The following LIMS1 variants were observed in gnomAD, a reference collection of about 807,000 sequenced individuals.
The protein encoded by LIMS1 is LIM zinc finger domain containing 1.
Under a neutral mutation model 44.1 loss-of-function variants are expected in LIMS1, and 18 were observed. That is an observed-to-expected ratio of 0.41 (90% confidence interval 0.28 to 0.61). The LOEUF is 0.61. Among genes scored for constraint, LIMS1 ranks in the 20% least tolerant of loss-of-function variants. The pLI is 0.32. For synonymous variants in LIMS1, 93 were observed against 149.1 expected (o/e 0.62, Z 2.74); for missense variants, 201 against 422.0 (o/e 0.48, Z 4.59).
At chr2:108,674,539 G>C (rs981103781) in intron 5 of LIMS1, among the ~76,000 whole-genome samples, 4 of 151,194 alleles carry the variant, frequency 2.6e-5, no homozygotes, top group Non-Finnish European at 5.9e-5. Flanking sequence ...TGGCTAACAT[G>C]GTGAAACCCC....
rs59234056 is a variant in LIMS1, at chr2:108,675,330, G to A, written c.531-548G>A. On this transcript the variant is annotated intron_variant, in intron 5 of 9. Transcript: ENST00000544547. ...GCATCACATGGTGGGGGAAGAGGAG[G>A]GGGGAAGGAAGAGAAGGAAGGAGGC... Among the ~76,000 whole-genome samples the A allele has an allele frequency of 5.0e-3, 756 of 151,954 alleles. 5 individuals carry two copies. Among genetic ancestry groups the A allele is most frequent in the African/African-American group, 0.017 (717 of 41,404 alleles).
chr2:108,566,420 A>G (rs190762411), intron 1 of LIMS1, among the ~76,000 whole-genome samples: 15 of 152,260 alleles, frequency 9.9e-5, no homozygotes, highest in African/African-American at 2.9e-4. Context: ...TATATTATTT[A>G]TACCCTCATT....
rs1690827777 is a variant in LIMS1, at chr2:108,656,278, C to T, written c.33-3327C>T. On this transcript the variant is annotated intron_variant, in intron 1 of 9. Transcript: ENST00000544547. ...AAGTAGATCAGCTTCATCAGTCATG[C>T]CTGTCCTGACTTTTACATATAAATA... 4.0e-5 allele frequency among the ~76,000 whole-genome samples: 6 copies of T among 149,184 alleles called. No individual in the cohort carries two copies. In the Admixed American group the frequency reaches 4.1e-4, roughly 10 times the overall value.
At chr2:108,578,927 A>G (rs552293950) in intron 1 of LIMS1, among the ~76,000 whole-genome samples, 4 of 152,314 alleles carry the variant, frequency 2.6e-5, no homozygotes, top group African/African-American at 9.6e-5. Context: ...TCTAGTTTAC[A>G]AAGAAAAATG....
chr2:108,623,406 C>CT (rs77643546), intron 1 of LIMS1, among the ~76,000 whole-genome samples: 1 of 152,006 alleles, frequency 6.6e-6, no homozygotes, highest in East Asian at 1.9e-4. Flanking sequence ...TTGGTTTATT[C>CT]TTTTTTTAAA....
intron 2 of LIMS1, among the ~76,000 whole-genome samples, chr2:108,661,854 T>C (rs1303697233): frequency 1.3e-5 from 2 of 152,144 alleles, no homozygotes; most frequent in Non-Finnish European, 2.9e-5. Context: ...GTCTTCTCAC[T>C]ATATGAATCC....
intron 1 of LIMS1, among the ~76,000 whole-genome samples, chr2:108,652,925 A>G (rs4012002): frequency 2.3e-4 from 35 of 152,288 alleles, no homozygotes; most frequent in African/African-American, 7.2e-4. Flanking sequence ...TTGTAAAAAA[A>G]AAACCTAAAA....
chr2:108,588,689 G>A (rs1451209317), intron 1 of LIMS1: 1 of 809,290 alleles, frequency 1.2e-6, no homozygotes, highest in Non-Finnish European at 1.5e-6. Flanking sequence ...TATTTAAGAA[G>A]CAAATCTAAA....
chr2:108,603,037 T>C (rs2718697), intron 1 of LIMS1, among the ~76,000 whole-genome samples: 26,044 of 152,206 alleles, frequency 0.17, 2,653 homozygotes, highest in African/African-American at 0.27. Flanking sequence ...CTGCCTGCCT[T>C]GGCCTCCCAA....
At chr2:108,654,574 A>C (rs1174607247) in intron 1 of LIMS1, among the ~76,000 whole-genome samples, 2 of 152,070 alleles carry the variant, frequency 1.3e-5, no homozygotes, top group East Asian at 1.9e-4. Flanking sequence ...GCAGGGTTCA[A>C]ATGCTCCTCA....
intron 1 of LIMS1, among the ~76,000 whole-genome samples, chr2:108,547,596 A>G (rs1377688406): frequency 6.6e-6 from 1 of 152,208 alleles, no homozygotes; most frequent in Non-Finnish European, 1.5e-5. Flanking sequence ...AAAGCATAGG[A>G]ATATAGGTTA....
chr2:108,605,533 T>A (rs1355199371), intron 1 of LIMS1, among the ~76,000 whole-genome samples: 1 of 152,216 alleles, frequency 6.6e-6, no homozygotes, highest in African/African-American at 2.4e-5. Flanking sequence ...TTTATTCCTT[T>A]CAGCATCTTA....
chr2:108,675,470 A>T (rs1025863911), intron 5 of LIMS1, among the ~76,000 whole-genome samples: 30 of 152,260 alleles, frequency 2.0e-4, no homozygotes, highest in African/African-American at 6.5e-4. Flanking sequence ...TCAACACCTC[A>T]GAATTGGGGA....
intron 1 of LIMS1, among the ~76,000 whole-genome samples, chr2:108,569,256 T>C (rs1292379407): frequency 6.6e-6 from 1 of 152,210 alleles, no homozygotes; most frequent in Non-Finnish European, 1.5e-5. Context: ...CATCCATTCA[T>C]GATTTGCAAA....
At chr2:108,632,733 T>C (rs977534732) in intron 1 of LIMS1, among the ~76,000 whole-genome samples, 1 of 152,218 alleles carries the variant, frequency 6.6e-6, no homozygotes, top group African/African-American at 2.4e-5. Flanking sequence ...TCTACAGAGC[T>C]GTACATGAGT....
At chr2:108,566,330 GA>G (rs1342108855) in intron 1 of LIMS1, among the ~76,000 whole-genome samples, 1 of 152,186 alleles carries the variant, frequency 6.6e-6, no homozygotes. Flanking sequence ...GCAATCCCCA[GA>G]AGAAGAATTA....
rs1573365892 is a variant in LIMS1, at chr2:108,580,566, G to T, written c.32+45972G>T. The stretch of plus-strand genomic sequence containing the variant: ...AGGAAAGAGGGATGTTCAGAGGCCA[G>T]TTACAAGGCTGTTGCATTAATCCAC... On this transcript the variant is annotated intron_variant, in intron 1 of 9. Transcript: ENST00000544547. Among the ~76,000 whole-genome samples the T allele has an allele frequency of 3.3e-5, 5 of 152,320 alleles. 1 individual carries two copies. The highest frequency in any genetic ancestry group is 3.3e-4 in the Admixed American group (5 of 15,294).
intron 8 of LIMS1, among the ~76,000 whole-genome samples, chr2:108,679,216 C>A (rs1349927161): frequency 6.6e-6 from 1 of 151,642 alleles, no homozygotes; most frequent in East Asian, 1.9e-4. Flanking sequence ...CAGTGGCTCA[C>A]GCCTGTGATC....
intron 1 of LIMS1, among the ~76,000 whole-genome samples, chr2:108,643,253 T>C (rs1196123016): frequency 1.3e-5 from 2 of 152,298 alleles, no homozygotes; most frequent in African/African-American, 2.4e-5. Flanking sequence ...CCCAGCAAGA[T>C]TGGTGCGGAA....
Sources: allele counts gnomAD v4.1 joint callset (sites outside exome capture counted in the v4.1 genomes callset), GRCh38; gene constraint gnomAD v4.1.1; transcripts MANE v1.5; gene names NCBI Gene and HGNC (gene_info 2026-07-23, HGNC 2026-07-21).